The following RNF169 variants were observed in gnomAD, a reference collection of about 807,000 sequenced individuals.
RNF169 encodes E3 ubiquitin-protein ligase RNF169.
In RNF169, 24 loss-of-function variants were observed where a neutral mutation model predicts 53.9. The observed-to-expected ratio is 0.45, with a 90% CI of 0.32 to 0.63. The LOEUF is 0.63. Ranked by LOEUF, RNF169 falls within the 20% of genes least tolerant of loss-of-function variation. The pLI, the probability that RNF169 is intolerant of heterozygous loss-of-function variation, is 0.04. For missense variants in RNF169, 883 were observed against 906.2 expected (o/e 0.97, Z 0.33); for synonymous variants, 396 against 363.5 (o/e 1.09, Z -1.02).
chr11:74,819,272 T>A (rs2035979058), intron 4 of RNF169, among the ~76,000 whole-genome samples: 1 of 152,136 alleles, frequency 6.6e-6, no homozygotes, highest in Non-Finnish European at 1.5e-5. Flanking sequence ...TCTTATTCAG[T>A]CCATTTGTTT....
chr11:74,774,792 T>TA (rs2035309179), intron 1 of RNF169, among the ~76,000 whole-genome samples: 2 of 151,702 alleles, frequency 1.3e-5, no homozygotes, highest in African/African-American at 4.8e-5. Context: ...CCGTCTCTAC[T>TA]AAAAAATACA....
At chr11:74,769,945 G>A (rs1469859016) in intron 1 of RNF169, among the ~76,000 whole-genome samples, 6 of 152,074 alleles carry the variant, frequency 3.9e-5, no homozygotes, top group South Asian at 2.1e-4. Flanking sequence ...ATGTGCCACC[G>A]TGCCCAACTA....
intron 2 of RNF169, among the ~76,000 whole-genome samples, chr11:74,801,733 G>C (rs760590786): frequency 2.5e-4 from 38 of 152,226 alleles, no homozygotes; most frequent in Non-Finnish European, 2.2e-4. Flanking sequence ...GATCACTGGA[G>C]CCTTGGCAAC....
chr11:74,767,704 G>A (rs1452717086), intron 1 of RNF169, among the ~76,000 whole-genome samples: 2 of 152,038 alleles, frequency 1.3e-5, no homozygotes, highest in East Asian at 3.9e-4. Context: ...CGAATAGCTT[G>A]GACTACAGGT....
At chr11:74,750,429 C>G (rs1035067217) in intron 1 of RNF169, among the ~76,000 whole-genome samples, 2 of 151,940 alleles carry the variant, frequency 1.3e-5, no homozygotes, top group African/African-American at 4.8e-5. Context: ...CTTGTGTATA[C>G]AAGTGCAGCT....
rs2036361329 is a variant in RNF169, at chr11:74,840,546, T to A, written c.*3816T>A. On this transcript the variant is annotated 3_prime_UTR_variant, in exon 6 of 6. Coordinates refer to ENST00000299563, the MANE Select transcript of RNF169 (RefSeq NM_001098638.2). ...TGAGGTGGGTTGTGGATCACTGACA[T>A]GGTCAGGGGAGGCCCACACCTCAAT... The A allele has an allele frequency of 6.6e-6, 1 of 152,200 alleles. No individual in the cohort carries two copies. Among genetic ancestry groups the A allele is most frequent in the Non-Finnish European group, 1.5e-5 (1 of 68,032 alleles). The allele number at this position is 152,200 out of a possible 1,614,324, so 9.4% of individuals were successfully genotyped here. A position where few individuals can be genotyped will look rare whatever the true frequency, so the allele number is the denominator to read the frequency against.
Position 74,750,870 on chromosome 11 carries a change from T to TTTTTG in RNF169, c.502+1492_502+1493insGTTTT, listed in dbSNP as rs1233939965. Among the ~76,000 whole-genome samples the TTTTTG allele has an allele frequency of 9.6e-4, 112 of 116,206 alleles. 3 individuals carry two copies. The highest frequency in any genetic ancestry group is 3.8e-3 in the African/African-American group (109 of 28,942). 76.2% of individuals were successfully genotyped at this position (116,206 alleles called of 152,430 possible). On this transcript the variant is annotated intron_variant, in intron 1 of 5. Transcript: ENST00000299563. ...GCCCGCCTTGGCCTCCCAAGGTTTTTTTTTTTTTTTTTTTTTTTTTTGAGA... is the reference window on the plus strand; with the variant it reads ...GCCCGCCTTGGCCTCCCAAGGTTTTTTTTTGTTTTTTTTTTTTTTTTTTTTTGAGA...
At chr11:74,826,508 AC>A (rs1474212488) in intron 4 of RNF169, among the ~76,000 whole-genome samples, 1 of 144,196 alleles carries the variant, frequency 6.9e-6, no homozygotes, top group Non-Finnish European at 1.5e-5. Context: ...TAACCATTCC[AC>A]CCCTGGCCCC....
At chr11:74,779,299 A>G (rs773575459) in intron 1 of RNF169, among the ~76,000 whole-genome samples, 6 of 152,138 alleles carry the variant, frequency 3.9e-5, no homozygotes, top group Non-Finnish European at 8.8e-5. Flanking sequence ...TTAAAAACAC[A>G]GTAGTAGTAG....
In RNF169 at chr11:74,837,887, C is replaced by T. The variant is rs990808442; in HGVS notation, c.*1157C>T. On this transcript the variant is annotated 3_prime_UTR_variant, in exon 6 of 6. Coordinates refer to ENST00000299563, the MANE Select transcript of RNF169 (RefSeq NM_001098638.2). ...TTTGCATCCCTGGTGGTGCTTGGTG[C>T]TTCTGCCCATCTGGGCTCATTGAGA... The T allele has an allele frequency of 2.0e-5, 3 of 152,168 alleles. No homozygotes were observed. The highest frequency in any genetic ancestry group is 1.3e-4 in the Admixed American group (2 of 15,276). 9.4% of individuals were successfully genotyped at this position (152,168 alleles called of 1,614,324 possible). A position where few individuals can be genotyped will look rare whatever the true frequency, so the allele number is the denominator to read the frequency against.
intron 2 of RNF169, among the ~76,000 whole-genome samples, chr11:74,809,789 G>A (rs1266159598): frequency 6.6e-6 from 1 of 152,190 alleles, no homozygotes; most frequent in East Asian, 1.9e-4. Flanking sequence ...AGGAGGCCTC[G>A]TCCAGCTTCT....
At chr11:74,806,215 C>G (rs1287020078) in intron 2 of RNF169, among the ~76,000 whole-genome samples, 1 of 152,172 alleles carries the variant, frequency 6.6e-6, no homozygotes, top group Non-Finnish European at 1.5e-5. Flanking sequence ...AGGATTTCCA[C>G]ATAATAAACA....
chr11:74,762,520 A>T (rs2035103075), intron 1 of RNF169, among the ~76,000 whole-genome samples: 1 of 152,140 alleles, frequency 6.6e-6, no homozygotes. Context: ...TTTCCTTCTA[A>T]CAGACAGGAC....
intron 1 of RNF169, among the ~76,000 whole-genome samples, chr11:74,759,905 C>T (rs1395695629): frequency 1.3e-5 from 2 of 151,646 alleles, no homozygotes; most frequent in Non-Finnish European, 2.9e-5. Flanking sequence ...CTCTTTGTAC[C>T]TCTGGTAGAA....
intron 1 of RNF169, among the ~76,000 whole-genome samples, chr11:74,777,591 T>C (rs1040225463): frequency 1.3e-5 from 2 of 152,136 alleles, no homozygotes; most frequent in East Asian, 1.9e-4. Flanking sequence ...AGAAACCTTA[T>C]TCACTTTGAC....
chr11:74,788,427 C>T (rs967583722), intron 1 of RNF169, among the ~76,000 whole-genome samples: 2 of 152,174 alleles, frequency 1.3e-5, no homozygotes, highest in Non-Finnish European at 2.9e-5. Context: ...GAGTCTCACT[C>T]TCTCACCCAG....
intron 3 of RNF169, among the ~76,000 whole-genome samples, chr11:74,812,629 CTT>C (rs900044438): frequency 1.3e-5 from 2 of 151,976 alleles, no homozygotes; most frequent in African/African-American, 4.8e-5. Flanking sequence ...TTTTGGAGGA[CTT>C]TTAAATGGCT....
At chr11:74,775,520 G>C (rs1014912027) in intron 1 of RNF169, among the ~76,000 whole-genome samples, 1 of 150,622 alleles carries the variant, frequency 6.6e-6, no homozygotes, top group Non-Finnish European at 1.5e-5. Flanking sequence ...TCATCTCTCT[G>C]TTCTGTTTTT....
chr11:74,837,410 T>A lies in RNF169; in HGVS notation c.*680T>A, dbSNP rs1170306446. Reference sequence around the variant, plus strand: ...TGATGAAACTGCAGTGCAGATGTTCTGGTTCTCTCAACTACCAAGTGGCAT... The same window carrying A: ...TGATGAAACTGCAGTGCAGATGTTCAGGTTCTCTCAACTACCAAGTGGCAT... On this transcript the variant is annotated 3_prime_UTR_variant, in exon 6 of 6. Transcript: ENST00000299563. 5.3e-5 allele frequency: 8 copies of A among 152,290 alleles called. No individual in the cohort carries two copies. Among genetic ancestry groups the A allele is most frequent in the Non-Finnish European group, 8.8e-5 (6 of 68,076 alleles). 9.4% of individuals were successfully genotyped at this position (152,290 alleles called of 1,614,324 possible). A position where few individuals can be genotyped will look rare whatever the true frequency, so the allele number is the denominator to read the frequency against.
Sources: allele counts gnomAD v4.1 joint callset (sites outside exome capture counted in the v4.1 genomes callset), GRCh38; gene constraint gnomAD v4.1.1; transcripts MANE v1.5; gene names NCBI Gene and HGNC (gene_info 2026-07-23, HGNC 2026-07-21).